FHIT: variants seen among roughly 807,000 people sequenced by gnomAD.
FHIT encodes fragile histidine triad diadenosine triphosphatase.
In FHIT, 19 loss-of-function variants were observed where a neutral mutation model predicts 17.9. The ratio of observed to expected loss-of-function variants is 1.06; its 90% CI spans 0.74 to 1.56. FHIT has a LOEUF of 1.56. Among genes scored for constraint, FHIT ranks in the 40% most tolerant of loss-of-function variants. The pLI is 0.00. For synonymous variants in FHIT, 81 were observed against 69.7 expected, an observed-to-expected ratio of 1.16 and a Z score of -0.81; for missense variants, 248 against 189.2, an observed-to-expected ratio of 1.31 and a Z score of -1.82.
At chr3:60,709,382 A>C (rs992720341) in intron 4 of FHIT, among the ~76,000 whole-genome samples, 2 of 152,142 alleles carry the variant, frequency 1.3e-5, no homozygotes, top group Non-Finnish European at 2.9e-5. Flanking sequence ...ATCTAGAAGG[A>C]ATATTTTAAT....
intron 4 of FHIT, among the ~76,000 whole-genome samples, chr3:60,724,426 A>G (rs2041872175): frequency 1.3e-5 from 2 of 152,218 alleles, no homozygotes; most frequent in South Asian, 4.1e-4. Flanking sequence ...TACTATGAAT[A>G]GTGCTACTAT....
At chr3:59,787,468 G>A (rs993125102) in intron 8 of FHIT, among the ~76,000 whole-genome samples, 4 of 140,474 alleles carry the variant, frequency 2.8e-5, no homozygotes, top group Non-Finnish European at 6.1e-5. Context: ...CATACCAGAA[G>A]CACAAGGGGC....
At chr3:61,219,873 C>T (rs1480683246) in intron 1 of FHIT, among the ~76,000 whole-genome samples, 2 of 152,164 alleles carry the variant, frequency 1.3e-5, no homozygotes, top group African/African-American at 2.4e-5. Flanking sequence ...AAATATCTTT[C>T]CGAAATATAG....
chr3:60,358,110 G>A (rs1053352315), intron 5 of FHIT, among the ~76,000 whole-genome samples: 7 of 152,172 alleles, frequency 4.6e-5, no homozygotes, highest in African/African-American at 1.4e-4. Flanking sequence ...TGAGAAAGAA[G>A]GCAATGCACC....
At chr3:60,753,667 A>T (rs2108037116) in intron 4 of FHIT, among the ~76,000 whole-genome samples, 1 of 152,326 alleles carries the variant, frequency 6.6e-6, no homozygotes, top group South Asian at 2.1e-4. Flanking sequence ...TGACACTACT[A>T]GACAAAATAA....
chr3:61,093,854 G>A lies in FHIT; in HGVS notation c.-163-51755C>T, dbSNP rs138298661. 1.9e-3 allele frequency among the ~76,000 whole-genome samples: 286 copies of A among 152,268 alleles called. 1 individual carries two copies. Among genetic ancestry groups the A allele is most frequent in the African/African-American group, 6.5e-3 (268 of 41,548 alleles). The stretch of plus-strand genomic sequence containing the variant: ...TGTCAACCCTAAGAGTTAGGTACAC[G>A]TAATAAATAAATGGTTACTAGTCTT... On this transcript the variant is annotated intron_variant, in intron 2 of 9. Transcript: ENST00000492590.
intron 2 of FHIT, among the ~76,000 whole-genome samples, chr3:61,051,974 G>T (rs2034045188): frequency 6.6e-6 from 1 of 152,152 alleles, no homozygotes; most frequent in South Asian, 2.1e-4. Context: ...AACCAGTAAA[G>T]ATATAATCTT....
intron 5 of FHIT, among the ~76,000 whole-genome samples, chr3:60,438,244 G>C (rs948512805): frequency 6.6e-6 from 1 of 152,008 alleles, no homozygotes; most frequent in South Asian, 2.1e-4. Context: ...CTGTGCTGAT[G>C]ATAATAGTGA....
intron 1 of FHIT, among the ~76,000 whole-genome samples, chr3:61,218,427 A>G (rs2039745128): frequency 6.6e-6 from 1 of 152,226 alleles, no homozygotes. Context: ...TGGTTAAGAC[A>G]GAAGTGGAAG....
At chr3:60,173,904 T>TATAC (rs1701535792) in intron 5 of FHIT, among the ~76,000 whole-genome samples, 1 of 78,360 alleles carries the variant, frequency 1.3e-5, no homozygotes, top group Non-Finnish European at 2.3e-5. Flanking sequence ...TATATATATA[T>TATAC]ATATATATAT....
At chr3:61,013,251 G>T (rs572165214) in intron 3 of FHIT, among the ~76,000 whole-genome samples, 2 of 152,186 alleles carry the variant, frequency 1.3e-5, no homozygotes, top group East Asian at 3.9e-4. Flanking sequence ...TGCTTTCCTG[G>T]CCCCACTTTC....
intron 3 of FHIT, among the ~76,000 whole-genome samples, chr3:60,887,846 T>TGAAAAGTACTCTTTTCTATGAA (rs1705303617): frequency 6.6e-6 from 1 of 152,138 alleles, no homozygotes; most frequent in Non-Finnish European, 1.5e-5. Flanking sequence ...AGCCTGTCTA[T>TGAAAAGTACTCTTTTCTATGAA]AAGTACTCTT....
At chr3:61,029,337 G>A (rs574388049) in intron 3 of FHIT, among the ~76,000 whole-genome samples, 14 of 152,162 alleles carry the variant, frequency 9.2e-5, no homozygotes, top group Non-Finnish European at 1.8e-4. Flanking sequence ...AATCTAACGC[G>A]TATGAACAAG....
At chr3:59,978,860 T>C (rs929513674) in intron 7 of FHIT, among the ~76,000 whole-genome samples, 2 of 151,804 alleles carry the variant, frequency 1.3e-5, no homozygotes, top group East Asian at 3.9e-4. Flanking sequence ...TGAGACTATA[T>C]TCCAACCAGT....
At chr3:60,543,372 CA>C (rs1209080213) in intron 4 of FHIT, among the ~76,000 whole-genome samples, 2 of 151,060 alleles carry the variant, frequency 1.3e-5, no homozygotes, top group African/African-American at 2.4e-5. Context: ...CTGCCCCTTT[CA>C]AAAAAAAATT....
chr3:60,807,415 A>G (rs1269545340), intron 4 of FHIT, among the ~76,000 whole-genome samples: 1 of 151,854 alleles, frequency 6.6e-6, no homozygotes, highest in Non-Finnish European at 1.5e-5. Flanking sequence ...TCTACAAAAA[A>G]AAAGAAAAAA....
rs115927108 is a variant in FHIT, at chr3:60,791,215, A to G, written c.-18+30704T>C. On this transcript the variant is annotated intron_variant, in intron 4 of 9. Transcript: ENST00000492590. ...ACAAAGCAACAACCTTTTCACCTGTACATATTGTTTCTCCACATTGGAGCC... is the reference window on the plus strand; with the variant it reads ...ACAAAGCAACAACCTTTTCACCTGTGCATATTGTTTCTCCACATTGGAGCC... Among the ~76,000 whole-genome samples the G allele has an allele frequency of 6.4e-3, 977 of 152,252 alleles. 8 individuals carry two copies. Among genetic ancestry groups the G allele is most frequent in the Non-Finnish European group, 0.011 (752 of 68,018 alleles).
intron 3 of FHIT, among the ~76,000 whole-genome samples, chr3:60,915,562 G>A (rs185642746): frequency 1.6e-4 from 24 of 152,188 alleles, no homozygotes; most frequent in African/African-American, 5.8e-4. Context: ...TGGACAGGAA[G>A]GATAGAAGCA....
chr3:60,086,163 G>A (rs1703484512), intron 5 of FHIT, among the ~76,000 whole-genome samples: 1 of 152,180 alleles, frequency 6.6e-6, no homozygotes. Context: ...AGGGTGGGGG[G>A]ATGCCAGGCT....
Sources: gnomAD v4.1 joint callset for allele counts (sites outside exome capture counted in the v4.1 genomes callset) on GRCh38, gnomAD v4.1.1 for gene constraint, MANE v1.5 for transcripts, NCBI Gene and HGNC (gene_info 2026-07-23, HGNC 2026-07-21) for gene names.